SUGCT: variants seen among roughly 807,000 people sequenced by gnomAD.
SUGCT encodes the protein succinyl-CoA:glutarate CoA-transferase.
A neutral mutation model predicts 55.0 loss-of-function variants in SUGCT; 41 were observed. The ratio of observed to expected loss-of-function variants is 0.74; its 90% CI spans 0.58 to 0.97. SUGCT has a LOEUF of 0.97. Ranked by LOEUF, SUGCT falls within the 50% of genes least tolerant of loss-of-function variation. The pLI is 0.00. For synonymous variants in SUGCT, 187 were observed against 200.4 expected, an observed-to-expected ratio of 0.93 and a Z score of 0.56; for missense variants, 568 against 547.8, an observed-to-expected ratio of 1.04 and a Z score of -0.37.
chr7:40,191,079 C>T (rs1031185673), intron 5 of SUGCT, among the ~76,000 whole-genome samples: 2 of 152,064 alleles, frequency 1.3e-5, no homozygotes, highest in Admixed American at 6.6e-5. Flanking sequence ...TGCAGTGGCG[C>T]GATCTCGGCT....
intron 1 of SUGCT, among the ~76,000 whole-genome samples, chr7:40,160,436 T>C (rs1784091089): frequency 6.6e-6 from 1 of 151,802 alleles, no homozygotes; most frequent in African/African-American, 2.4e-5. Flanking sequence ...ACCATGTTGG[T>C]CAGGCTGGTC....
chr7:40,275,738 C>A (rs1470404345), intron 8 of SUGCT, among the ~76,000 whole-genome samples: 1 of 151,880 alleles, frequency 6.6e-6, no homozygotes, highest in Admixed American at 6.6e-5. Context: ...TGTTTATAGA[C>A]CCCAGATAAA....
At chr7:40,906,571 AAT>A in the SUGCT span, among the ~76,000 whole-genome samples, 1 of 152,230 alleles carries the variant, frequency 6.6e-6, no homozygotes, top group Non-Finnish European at 1.5e-5. Flanking sequence ...AAATAAAAAC[AAT>A]AGAGTATAAT....
chr7:40,663,970 G>A (rs917899531), intron 12 of SUGCT, among the ~76,000 whole-genome samples: 1 of 152,038 alleles, frequency 6.6e-6, no homozygotes, highest in Non-Finnish European at 1.5e-5. Flanking sequence ...TTAGGTCACT[G>A]GGGGGAGGGC....
chr7:40,565,229 CT>C (rs924397972), intron 12 of SUGCT, among the ~76,000 whole-genome samples: 16 of 152,118 alleles, frequency 1.1e-4, no homozygotes, highest in African/African-American at 3.6e-4. Context: ...AACTTACCCC[CT>C]AGGTCTCTTT....
chr7:40,943,037 C>G, the SUGCT span, among the ~76,000 whole-genome samples: 2 of 151,448 alleles, frequency 1.3e-5, no homozygotes, highest in Non-Finnish European at 2.9e-5. Context: ...AATAATCAAC[C>G]TTTTGAATTT....
At chr7:40,319,329 G>A (rs1795603563) in intron 9 of SUGCT, among the ~76,000 whole-genome samples, 1 of 152,048 alleles carries the variant, frequency 6.6e-6, no homozygotes, top group Non-Finnish European at 1.5e-5. Context: ...TACCAAGATG[G>A]GTCCTAGATA....
rs1345456843 is a variant in SUGCT at position 40,505,769 on chromosome 7, TGAAA to T, written c.1089+9388_1089+9391del. 2.6e-5 allele frequency among the ~76,000 whole-genome samples: 4 copies of T among 152,046 alleles called. No homozygotes were observed. In the East Asian group the frequency reaches 7.7e-4, roughly 29 times the overall value. ...ATGTTAAATCTTTTATGGAAGCTGG[TGAAA>T]GAAATAAGAGCAAGTCTATATTGAT... On this transcript the variant is annotated intron_variant, in intron 12 of 13. Transcript: ENST00000335693.
intron 13 of SUGCT, 105 bp from the exon 14 acceptor site, chr7:40,860,211 C>T (rs538432753): frequency 7.3e-5 from 98 of 1,333,458 alleles, no homozygotes; most frequent in South Asian, 9.9e-5. Context: ...AACTGGCACT[C>T]ATTGATATTT....
chr7:40,599,877 A>C (rs1447502613), intron 12 of SUGCT, among the ~76,000 whole-genome samples: 1 of 152,132 alleles, frequency 6.6e-6, no homozygotes. Flanking sequence ...CTCAGCATTC[A>C]AAGAACCGGC....
At chr7:40,983,559 T>C in the SUGCT span, among the ~76,000 whole-genome samples, 1 of 152,214 alleles carries the variant, frequency 6.6e-6, no homozygotes, top group South Asian at 2.1e-4. Context: ...TCTAGGCTTC[T>C]GTTCTCCCAC....
chr7:40,271,615 A>G (rs1317165491), intron 7 of SUGCT, among the ~76,000 whole-genome samples: 2 of 152,186 alleles, frequency 1.3e-5, no homozygotes, highest in African/African-American at 2.4e-5. Context: ...ATACATTAAT[A>G]TAATCAGATC....
At chr7:40,356,520 C>T (rs1164868135) in intron 9 of SUGCT, among the ~76,000 whole-genome samples, 1 of 152,150 alleles carries the variant, frequency 6.6e-6, no homozygotes, top group African/African-American at 2.4e-5. Flanking sequence ...TCTGAGAAAA[C>T]TTCTAGGACT....
At chr7:40,663,902 ACC>A (rs1272276123) in intron 12 of SUGCT, among the ~76,000 whole-genome samples, 1 of 152,078 alleles carries the variant, frequency 6.6e-6, no homozygotes, top group Non-Finnish European at 1.5e-5. Context: ...TATCCCTAAT[ACC>A]TCAGAATATG....
the SUGCT span, among the ~76,000 whole-genome samples, chr7:41,002,009 T>A: frequency 1.3e-5 from 2 of 152,204 alleles, no homozygotes; most frequent in African/African-American, 4.8e-5. Flanking sequence ...CACCTTCTCA[T>A]TAGACTGCGA....
chr7:40,479,807 T>A (rs1412914240), intron 11 of SUGCT, among the ~76,000 whole-genome samples: 1 of 152,188 alleles, frequency 6.6e-6, no homozygotes, highest in Non-Finnish European at 1.5e-5. Context: ...GTTGGTCATT[T>A]GTACGTCTTC....
At chr7:40,952,320 A>C in the SUGCT span, among the ~76,000 whole-genome samples, 6 of 151,060 alleles carry the variant, frequency 4.0e-5, no homozygotes, top group Non-Finnish European at 7.4e-5. Flanking sequence ...ATCTTCCCCC[A>C]TCCCTTTATT....
intron 12 of SUGCT, among the ~76,000 whole-genome samples, chr7:40,699,903 G>T (rs1466082354): frequency 1.3e-5 from 2 of 152,070 alleles, no homozygotes; most frequent in East Asian, 3.8e-4. Context: ...ATAAATAAAT[G>T]CCATTAATTA....
chr7:40,212,616 C>A (rs1196832705), intron 6 of SUGCT, among the ~76,000 whole-genome samples: 1 of 152,016 alleles, frequency 6.6e-6, no homozygotes, highest in East Asian at 1.9e-4. Flanking sequence ...CTCACTGCAA[C>A]CTCCGCCTCC....
Sources: gnomAD v4.1 joint callset for allele counts (sites outside exome capture counted in the v4.1 genomes callset) on GRCh38, gnomAD v4.1.1 for gene constraint, MANE v1.5 for transcripts, NCBI Gene and HGNC (gene_info 2026-07-23, HGNC 2026-07-21) for gene names.